ARB2A: variants seen among roughly 807,000 people sequenced by gnomAD.
ARB2A encodes cotranscriptional regulator ARB2A.
the ARB2A span, chr5:93,736,341 T>G: frequency 2.0e-5 from 3 of 152,236 alleles, no homozygotes; most frequent in Non-Finnish European, 4.4e-5. Flanking sequence ...TATAATTAAG[T>G]AATCTTTTTA....
chr5:93,769,517 G>A, the ARB2A span, among the ~76,000 whole-genome samples: 1 of 152,036 alleles, frequency 6.6e-6, no homozygotes, highest in African/African-American at 2.4e-5. Context: ...ATTTTTTATG[G>A]ACTCTGAGGG....
At chr5:93,696,166 C>T in the ARB2A span, among the ~76,000 whole-genome samples, 1 of 152,046 alleles carries the variant, frequency 6.6e-6, no homozygotes, top group Non-Finnish European at 1.5e-5. Flanking sequence ...CACATGTATC[C>T]CAGAATTTAA....
the ARB2A span, among the ~76,000 whole-genome samples, chr5:93,764,375 C>T: frequency 6.6e-6 from 1 of 152,102 alleles, no homozygotes; most frequent in Non-Finnish European, 1.5e-5. Context: ...ATATCACCAC[C>T]AATCCCACAG....
the ARB2A span, among the ~76,000 whole-genome samples, chr5:93,823,780 C>G: frequency 6.6e-6 from 1 of 151,964 alleles, no homozygotes; most frequent in Non-Finnish European, 1.5e-5. Context: ...CATGGTGAAA[C>G]CCCGTCTCTA....
the ARB2A span, chr5:93,824,326 C>A: frequency 7.9e-7 from 1 of 1,262,196 alleles, no homozygotes; most frequent in Middle Eastern, 2.0e-4. Flanking sequence ...TCATAGCAAA[C>A]AACAATTAAA....
chr5:94,066,878 T>C, the ARB2A span, among the ~76,000 whole-genome samples: 9 of 152,038 alleles, frequency 5.9e-5, no homozygotes, highest in East Asian at 1.9e-4. Flanking sequence ...CCAGACAAGA[T>C]TGCAACAAAA....
At chr5:93,642,977 C>T in the ARB2A span, among the ~76,000 whole-genome samples, 1 of 152,098 alleles carries the variant, frequency 6.6e-6, no homozygotes, top group Non-Finnish European at 1.5e-5. Context: ...GGAGAAGTAA[C>T]TCAGAGGAAC....
the ARB2A span, among the ~76,000 whole-genome samples, chr5:93,858,112 C>A: frequency 6.6e-6 from 1 of 152,164 alleles, no homozygotes; most frequent in Admixed American, 6.5e-5. Flanking sequence ...TTCCAAGAAT[C>A]GTCTCCTGGT....
the ARB2A span, among the ~76,000 whole-genome samples, chr5:94,058,214 A>G: frequency 6.6e-6 from 1 of 152,186 alleles, no homozygotes; most frequent in Non-Finnish European, 1.5e-5. Flanking sequence ...TGTCAGAACA[A>G]AGCCCAACAT....
chr5:94,048,051 C>CT, the ARB2A span, among the ~76,000 whole-genome samples: 142 of 96,066 alleles, frequency 1.5e-3, 17 homozygotes, highest in African/African-American at 4.3e-3. Context: ...AATCGGTAAG[C>CT]TTTTTTTTTT....
At chr5:93,754,323 G>A in the ARB2A span, among the ~76,000 whole-genome samples, 1 of 152,152 alleles carries the variant, frequency 6.6e-6, no homozygotes, top group Non-Finnish European at 1.5e-5. Flanking sequence ...TCCCTTACTA[G>A]AATGTAAGCT....
At chr5:94,034,113 C>A in the ARB2A span, among the ~76,000 whole-genome samples, 1 of 152,192 alleles carries the variant, frequency 6.6e-6, no homozygotes, top group Non-Finnish European at 1.5e-5. Flanking sequence ...CACTTCCCAG[C>A]CTCCAGAATT....
chr5:94,047,736 G>T, the ARB2A span, among the ~76,000 whole-genome samples: 2 of 151,958 alleles, frequency 1.3e-5, no homozygotes, highest in Admixed American at 6.6e-5. Flanking sequence ...TAAGATCCTA[G>T]GAAAAAGGAA....
the ARB2A span, among the ~76,000 whole-genome samples, chr5:93,922,536 G>T: frequency 2.6e-3 from 379 of 145,456 alleles, 2 homozygotes; most frequent in Non-Finnish European, 3.8e-3. Context: ...TTAGCCAGGC[G>T]TGATGGCGGG....
the ARB2A span, among the ~76,000 whole-genome samples, chr5:93,955,049 G>A: frequency 3.9e-5 from 6 of 152,212 alleles, no homozygotes; most frequent in African/African-American, 1.2e-4. Flanking sequence ...GGGTGGCATC[G>A]GCGATTCAAG....
chr5:93,830,309 G>A, the ARB2A span, among the ~76,000 whole-genome samples: 7 of 49,658 alleles, frequency 1.4e-4, no homozygotes, highest in Non-Finnish European at 2.0e-4. Flanking sequence ...ATGTGTGTGT[G>A]TGTATATATA....
the ARB2A span, among the ~76,000 whole-genome samples, chr5:93,802,394 C>A: frequency 6.6e-6 from 1 of 151,658 alleles, no homozygotes; most frequent in Non-Finnish European, 1.5e-5. Context: ...ACAGGAAAAA[C>A]CAAAAAGCCA....
At chr5:93,870,732 G>A in the ARB2A span, among the ~76,000 whole-genome samples, 1 of 152,182 alleles carries the variant, frequency 6.6e-6, no homozygotes, top group South Asian at 2.1e-4. Flanking sequence ...CACATAAGGG[G>A]GGGTGGAAGT....
At chr5:94,057,575 T>C in the ARB2A span, among the ~76,000 whole-genome samples, 1 of 152,218 alleles carries the variant, frequency 6.6e-6, no homozygotes, top group Non-Finnish European at 1.5e-5. Context: ...ATAAAGAAAG[T>C]ACCATTTGGC....
Sources: gnomAD v4.1 joint callset for allele counts (sites outside exome capture counted in the v4.1 genomes callset) on GRCh38, gnomAD v4.1.1 for gene constraint, MANE v1.5 for transcripts, NCBI Gene and HGNC (gene_info 2026-07-23, HGNC 2026-07-21) for gene names.